IL16: variants seen among roughly 807,000 people sequenced by gnomAD.
The protein encoded by IL16 is pro-interleukin-16.
A neutral mutation model predicts 110.1 loss-of-function variants in IL16; 67 were observed. The observed-to-expected ratio is 0.61, with a 90% CI of 0.50 to 0.75. The LOEUF is 0.75. Among genes scored for constraint, IL16 ranks in the 30% least tolerant of loss-of-function variants. The probability of loss-of-function intolerance (pLI) is 0.00; values close to 1 mark genes in which losing one functional copy is unlikely to be tolerated. For synonymous variants in IL16, 689 were observed against 662.9 expected, an observed-to-expected ratio of 1.04 and a Z score of -0.61; for missense variants, 1,545 against 1,655.0, an observed-to-expected ratio of 0.93 and a Z score of 1.15.
chr15:81,185,091 G>A (rs1895398926), intron 1 of IL16, among the ~76,000 whole-genome samples: 1 of 152,142 alleles, frequency 6.6e-6, no homozygotes, highest in African/African-American at 2.4e-5. Flanking sequence ...GGGCTGGAGG[G>A]TGGGGCGTAG....
At chr15:81,266,794 C>T (rs1315651180) in intron 4 of IL16, among the ~76,000 whole-genome samples, 2 of 152,208 alleles carry the variant, frequency 1.3e-5, no homozygotes, top group South Asian at 2.1e-4. Context: ...GCTCACCCAG[C>T]CTGTCTTGTG....
At chr15:81,292,234 GACCCAC>G (rs1363278525) in intron 11 of IL16, 43 of 401,676 alleles carry the variant, frequency 1.1e-4, no homozygotes, top group Non-Finnish European at 2.9e-5. Flanking sequence ...CCCCTGGAGG[GACCCAC>G]AGCTGAAAGT....
Position 81,309,755 on chromosome 15 carries a change from A to C in IL16, c.*957A>C, listed in dbSNP as rs574849411. Reference sequence around the variant, plus strand: ...GCGTGTATATGAGGGTATCAAATAAAATTGCTACTACTTACCTACCACATG... The same window carrying C: ...GCGTGTATATGAGGGTATCAAATAACATTGCTACTACTTACCTACCACATG... On this transcript the variant is annotated 3_prime_UTR_variant, in exon 19 of 19. Coordinates refer to ENST00000683961, the MANE Select transcript of IL16 (RefSeq NM_172217.5). The C allele has an allele frequency of 6.6e-6, 1 of 152,292 alleles. No homozygotes were observed. Among genetic ancestry groups the C allele is most frequent in the Admixed American group, 6.5e-5 (1 of 15,304 alleles). 9.4% of individuals were successfully genotyped at this position (152,292 alleles called of 1,614,324 possible).
chr15:81,199,112 T>C (rs892411945), intron 1 of IL16, among the ~76,000 whole-genome samples: 4 of 150,712 alleles, frequency 2.7e-5, no homozygotes, highest in African/African-American at 4.9e-5. Flanking sequence ...TTTTCATATA[T>C]AGGTTACGTT....
At chr15:81,297,708 C>G (rs917685159) in intron 13 of IL16, among the ~76,000 whole-genome samples, 1 of 152,132 alleles carries the variant, frequency 6.6e-6, no homozygotes, top group African/African-American at 2.4e-5. Context: ...TGTGGAAGAG[C>G]ACGTAGACCC....
At chr15:81,307,445 C>T (rs1419870717) in intron 18 of IL16, among the ~76,000 whole-genome samples, 1 of 152,196 alleles carries the variant, frequency 6.6e-6, no homozygotes, top group Admixed American at 6.5e-5. Flanking sequence ...TGACTGGTTT[C>T]GTTAGAGGAA....
intron 1 of IL16, among the ~76,000 whole-genome samples, chr15:81,211,347 G>T (rs994675777): frequency 2.0e-5 from 3 of 151,940 alleles, no homozygotes; most frequent in African/African-American, 7.3e-5. Context: ...CACCTCCCAG[G>T]TTCAGGCTAT....
intron 2 of IL16, among the ~76,000 whole-genome samples, chr15:81,228,474 C>A (rs1336100947): frequency 1.3e-5 from 2 of 152,080 alleles, no homozygotes; most frequent in Admixed American, 1.3e-4. Flanking sequence ...GAGCCTGCCA[C>A]TACACCCAGC....
chr15:81,183,782 G>A (rs1442065621), intron 1 of IL16, among the ~76,000 whole-genome samples: 1 of 152,190 alleles, frequency 6.6e-6, no homozygotes, highest in Admixed American at 6.5e-5. Context: ...TGGCCACCTG[G>A]GATGGAATCT....
At chr15:81,188,032 G>A (rs1895442707) in intron 1 of IL16, among the ~76,000 whole-genome samples, 2 of 152,146 alleles carry the variant, frequency 1.3e-5, no homozygotes, top group South Asian at 4.2e-4. Flanking sequence ...TTGAGGCTTT[G>A]TATGTCCTTG....
At chr15:81,216,217 G>A (rs1247941761) in intron 1 of IL16, among the ~76,000 whole-genome samples, 1 of 152,190 alleles carries the variant, frequency 6.6e-6, no homozygotes, top group African/African-American at 2.4e-5. Context: ...GCTCCATGCT[G>A]TCTGAAGGCC....
chr15:81,258,899 TATAAA>T (rs1309321549), intron 2 of IL16, among the ~76,000 whole-genome samples: 1 of 152,110 alleles, frequency 6.6e-6, no homozygotes, highest in Admixed American at 6.5e-5. Flanking sequence ...ATAACAAAGT[TATAAA>T]ATAGAATAAC....
At chr15:81,268,905 C>T (rs988184826) in intron 4 of IL16, among the ~76,000 whole-genome samples, 90 of 152,212 alleles carry the variant, frequency 5.9e-4, no homozygotes, top group Non-Finnish European at 1.3e-4. Context: ...GCTAAGGTCA[C>T]CCGCCAGCTG....
At chr15:81,220,519 T>G (rs1045472920) in intron 1 of IL16, among the ~76,000 whole-genome samples, 1 of 152,206 alleles carries the variant, frequency 6.6e-6, no homozygotes, top group Admixed American at 6.5e-5. Flanking sequence ...TGAGTTATTC[T>G]TTAATTGACA....
chr15:81,295,869 G>T (rs990444653), intron 12 of IL16, among the ~76,000 whole-genome samples: 2 of 152,112 alleles, frequency 1.3e-5, no homozygotes, highest in Admixed American at 1.3e-4. Context: ...GGATGCATTT[G>T]TTCCTTCCTC....
intron 1 of IL16, among the ~76,000 whole-genome samples, chr15:81,184,119 G>A (rs1895384704): frequency 6.6e-6 from 1 of 152,206 alleles, no homozygotes; most frequent in Non-Finnish European, 1.5e-5. Context: ...CCTCCCTTTG[G>A]AGGCAGATGA....
At chr15:81,270,343 T>C (rs1347600333) in intron 5 of IL16, among the ~76,000 whole-genome samples, 1 of 152,214 alleles carries the variant, frequency 6.6e-6, no homozygotes, top group Non-Finnish European at 1.5e-5. Context: ...GCAACCCAGG[T>C]GCTAAAGTAA....
intron 1 of IL16, among the ~76,000 whole-genome samples, chr15:81,215,734 C>T (rs1896403104): frequency 1.3e-5 from 2 of 152,172 alleles, no homozygotes; most frequent in South Asian, 4.1e-4. Context: ...GGCCCGGGAA[C>T]CCATTTGTCT....
At position 81,273,217 on chromosome 15, in the gene IL16, G is replaced by T; in HGVS notation, c.790+13G>T. The T allele has an allele frequency of 3.8e-6, 6 of 1,566,314 alleles. No homozygotes were observed. Among genetic ancestry groups the T allele is most frequent in the Non-Finnish European group, 5.3e-6 (6 of 1,142,242 alleles). ...AGGCTACAGGAAGGTAGGCTTCCCA[G>T]CCCTTTTCAGACCATGGTGGAGGAA... is the stretch of plus-strand genomic sequence containing the variant. On this transcript the variant is annotated intron_variant, in intron 6 of 18. Coordinates refer to ENST00000683961, the MANE Select transcript of IL16 (RefSeq NM_172217.5).
Sources: gnomAD v4.1 joint callset for allele counts (sites outside exome capture counted in the v4.1 genomes callset) on GRCh38, gnomAD v4.1.1 for gene constraint, MANE v1.5 for transcripts, NCBI Gene and HGNC (gene_info 2026-07-23, HGNC 2026-07-21) for gene names.